Variants in SPIN1 observed in about 807,000 individuals in gnomAD.
The protein encoded by SPIN1 is spindlin-1.
SPIN1 carries 3 observed loss-of-function variants against 26.0 expected under a neutral mutation model. The observed-to-expected ratio is 0.12, with a 90% confidence interval of 0.05 to 0.30. The LOEUF (loss-of-function observed/expected upper bound fraction) is 0.30. Among genes scored for constraint, SPIN1 ranks in the 10% least tolerant of loss-of-function variants. SPIN1 has a pLI of 1.00. For missense variants in SPIN1, 126 were observed against 333.4 expected (o/e 0.38, Z 4.84); for synonymous variants, 101 against 116.5 (o/e 0.87, Z 0.86).
intron 3 of SPIN1, among the ~76,000 whole-genome samples, chr9:88,458,266 T>G (rs1028801917): frequency 1.3e-5 from 2 of 152,144 alleles, no homozygotes; most frequent in Non-Finnish European, 2.9e-5. Flanking sequence ...CAGAACAAAA[T>G]GTTAAGTATG....
At chr9:88,439,125 T>C (rs1196724272) in intron 2 of SPIN1, among the ~76,000 whole-genome samples, 1 of 152,192 alleles carries the variant, frequency 6.6e-6, no homozygotes, top group Non-Finnish European at 1.5e-5. Flanking sequence ...GGCAAGCTGT[T>C]GTTTGTTGTT....
chr9:88,420,173 C>T lies in SPIN1; in HGVS notation c.-158-6209C>T, dbSNP rs576326517. Among the ~76,000 whole-genome samples, 5 of 152,192 alleles carry T rather than the reference C, an allele frequency of 3.3e-5. No individual in the cohort carries two copies. In the South Asian group the frequency reaches 6.2e-4, roughly 19 times the overall value. On this transcript the variant is annotated intron_variant, in intron 1 of 5. Transcript: ENST00000375859. The stretch of plus-strand genomic sequence containing the variant: ...GGTGGATCACCTGAGGTTGGGAGTT[C>T]GAGACCAGCCTGACCAACATGGAGA...
intron 5 of SPIN1, 56 bp from the exon 6 acceptor site, chr9:88,475,022 T>A: frequency 7.1e-6 from 10 of 1,416,578 alleles, no homozygotes; most frequent in Non-Finnish European, 9.3e-6. Context: ...ATCTAAAAAT[T>A]GACTTAGAAA....
chr9:88,427,077 T>C (rs891421183), intron 2 of SPIN1, among the ~76,000 whole-genome samples: 33 of 152,328 alleles, frequency 2.2e-4, no homozygotes, highest in African/African-American at 7.0e-4. Context: ...AGTTAGTCTT[T>C]GCCTGATTTT....
At chr9:88,417,681 C>T (rs1201679343) in intron 1 of SPIN1, among the ~76,000 whole-genome samples, 1 of 152,018 alleles carries the variant, frequency 6.6e-6, no homozygotes, top group Non-Finnish European at 1.5e-5. Context: ...CCATGTTGGC[C>T]AGGCTAGGCT....
Position 88,476,296 on chromosome 9 carries a change from A to G in SPIN1, c.*1019A>G, listed in dbSNP as rs148843240. The G allele has an allele frequency of 6.6e-6, 1 of 152,302 alleles. No individual in the cohort carries two copies. Among genetic ancestry groups the G allele is most frequent in the Non-Finnish European group, 1.5e-5 (1 of 68,026 alleles). 9.4% of individuals were successfully genotyped at this position (152,302 alleles called of 1,614,324 possible). ...TTCTGGAAGAATACAATGCTTTTAT[A>G]TTGGAAGTATAAGTTTTGAGTGGCA... On this transcript the variant is annotated 3_prime_UTR_variant, in exon 6 of 6. Coordinates refer to ENST00000375859, the MANE Select transcript of SPIN1 (RefSeq NM_006717.3).
At position 88,391,397 on chromosome 9, in the gene SPIN1, T is replaced by A. The variant is rs139233371; in HGVS notation, c.-159+2859T>A. ...ATTGGCTTGGTGTCATGATTCCCTG[T>A]TGTAGCATTCTCAGGCTATCTATGA... On this transcript the variant is annotated intron_variant, in intron 1 of 5. Coordinates refer to ENST00000375859, the MANE Select transcript of SPIN1 (RefSeq NM_006717.3). 425 of 173,224 alleles carry A rather than the reference T, an allele frequency of 2.5e-3. 1 individual carries two copies. The highest frequency in any genetic ancestry group is 9.4e-3 in the African/African-American group (402 of 42,648). The allele number at this position is 173,224 out of a possible 1,614,324, so 10.7% of individuals were successfully genotyped here. A position where few individuals can be genotyped will look rare whatever the true frequency, so the allele number is the denominator to read the frequency against.
chr9:88,418,618 C>A (rs1827613971), intron 1 of SPIN1, among the ~76,000 whole-genome samples: 2 of 152,298 alleles, frequency 1.3e-5, no homozygotes, highest in South Asian at 4.1e-4. Context: ...CAGCAGGCAA[C>A]AAATACTTTG....
intron 2 of SPIN1, among the ~76,000 whole-genome samples, chr9:88,430,883 CTTTT>C (rs906131135): frequency 2.3e-5 from 3 of 132,054 alleles, no homozygotes; most frequent in Non-Finnish European, 1.6e-5. Flanking sequence ...TATATTTTTT[CTTTT>C]TTTTTTTTTT....
At chr9:88,397,195 T>G (rs1827083966) in intron 1 of SPIN1, among the ~76,000 whole-genome samples, 1 of 152,196 alleles carries the variant, frequency 6.6e-6, no homozygotes, top group Non-Finnish European at 1.5e-5. Context: ...ATAAGCTTTT[T>G]AACTTTTTTT....
chr9:88,388,963 C>T (rs1439790854), intron 1 of SPIN1, among the ~76,000 whole-genome samples: 1 of 108,528 alleles, frequency 9.2e-6, no homozygotes, highest in Non-Finnish European at 1.9e-5. Flanking sequence ...AGAATGCAGG[C>T]GGGGAGGGGG....
intron 1 of SPIN1, among the ~76,000 whole-genome samples, chr9:88,392,627 C>G (rs1310574367): frequency 6.6e-6 from 1 of 151,540 alleles, no homozygotes; most frequent in East Asian, 1.9e-4. Flanking sequence ...TTCTTTCCTT[C>G]CTTCCTTCCT....
At chr9:88,470,495 T>A (rs1828759115) in intron 5 of SPIN1, among the ~76,000 whole-genome samples, 1 of 152,240 alleles carries the variant, frequency 6.6e-6, no homozygotes, top group Non-Finnish European at 1.5e-5. Flanking sequence ...ACTTTGATTC[T>A]GGCCATCCTA....
intron 2 of SPIN1, among the ~76,000 whole-genome samples, chr9:88,432,508 A>G (rs918303603): frequency 6.7e-6 from 1 of 148,324 alleles, no homozygotes; most frequent in Non-Finnish European, 1.5e-5. Flanking sequence ...TCTTTGAGAC[A>G]GAGTCTTGCT....
chr9:88,393,323 T>A (rs1205419296), intron 1 of SPIN1, among the ~76,000 whole-genome samples: 2 of 151,916 alleles, frequency 1.3e-5, no homozygotes, highest in East Asian at 3.9e-4. Flanking sequence ...TTCTTTGTAG[T>A]TGTTTATGCT....
intron 2 of SPIN1, among the ~76,000 whole-genome samples, chr9:88,440,654 C>T (rs868522005): frequency 2.0e-5 from 3 of 149,656 alleles, no homozygotes; most frequent in African/African-American, 7.6e-5. Flanking sequence ...TCTCAGCGTA[C>T]TGCAACCTCC....
At position 88,393,445 on chromosome 9, in the gene SPIN1, G is replaced by GTTTTTTTTTTTTT. The variant is rs57244433; in HGVS notation, c.-159+4923_-159+4935dup. On this transcript the variant is annotated intron_variant, in intron 1 of 5. Transcript: ENST00000375859. Reference sequence around the variant, plus strand: ...AGAATGTCCTTTTTCTTGCTTTTGGGTTTTTTTTTTTTTTTTTTTTTTTTT... The same window carrying GTTTTTTTTTTTTT: ...AGAATGTCCTTTTTCTTGCTTTTGGGTTTTTTTTTTTTTTTTTTTTTTTTTTTTTTTTTTTTTT... 9.0e-5 allele frequency among the ~76,000 whole-genome samples: 8 copies of GTTTTTTTTTTTTT among 88,430 alleles called. 1 individual carries two copies. Among genetic ancestry groups the GTTTTTTTTTTTTT allele is most frequent in the African/African-American group, 3.4e-4 (6 of 17,902 alleles). 58.0% of individuals were successfully genotyped at this position (88,430 alleles called of 152,430 possible).
At chr9:88,449,029 A>G in intron 3 of SPIN1, 40 bp downstream of exon 3, 1 of 1,600,088 alleles carries the variant, frequency 6.2e-7, no homozygotes, top group Non-Finnish European at 8.5e-7. Context: ...GTGTTTTGTG[A>G]CCTTTTGTTA....
chr9:88,403,055 T>C (rs886610314), intron 1 of SPIN1, among the ~76,000 whole-genome samples: 1 of 152,240 alleles, frequency 6.6e-6, no homozygotes, highest in Non-Finnish European at 1.5e-5. Context: ...TGATTACTGA[T>C]GTGAGCATTT....
Sources: gnomAD v4.1 joint callset for allele counts (sites outside exome capture counted in the v4.1 genomes callset) on GRCh38, gnomAD v4.1.1 for gene constraint, MANE v1.5 for transcripts, NCBI Gene and HGNC (gene_info 2026-07-23, HGNC 2026-07-21) for gene names.